PDSS2: variants seen among roughly 807,000 people sequenced by gnomAD.
The protein encoded by PDSS2 is decaprenyl diphosphate synthase subunit 2.
In PDSS2, 31 loss-of-function variants were observed where a neutral mutation model predicts 44.5. The observed-to-expected ratio is 0.70, with a 90% CI of 0.52 to 0.94. The LOEUF (loss-of-function observed/expected upper bound fraction) is 0.94, where lower values mean the gene tolerates loss of function less well. Among genes scored for constraint, PDSS2 ranks in the 40% least tolerant of loss-of-function variants. PDSS2 has a pLI of 0.00. For synonymous variants in PDSS2, 157 were observed against 180.3 expected (o/e 0.87, Z 1.03); for missense variants, 452 against 482.2 (o/e 0.94, Z 0.59).
At chr6:107,366,074 C>T (rs1778952259) in intron 1 of PDSS2, among the ~76,000 whole-genome samples, 1 of 152,084 alleles carries the variant, frequency 6.6e-6, no homozygotes, top group African/African-American at 2.4e-5. Context: ...GAATACTCCA[C>T]ACAATGAGTG....
At chr6:107,422,597 T>C (rs888312358) in intron 1 of PDSS2, among the ~76,000 whole-genome samples, 1 of 152,112 alleles carries the variant, frequency 6.6e-6, no homozygotes, top group African/African-American at 2.4e-5. Context: ...AACTGTATTA[T>C]GGAATATTCA....
intron 7 of PDSS2, among the ~76,000 whole-genome samples, chr6:107,159,823 C>A (rs1223958168): frequency 6.6e-6 from 1 of 152,116 alleles, no homozygotes; most frequent in Non-Finnish European, 1.5e-5. Context: ...ATGTAAATGT[C>A]TGCATGACTA....
At chr6:107,280,926 A>G (rs1255898877) in intron 2 of PDSS2, among the ~76,000 whole-genome samples, 2 of 152,160 alleles carry the variant, frequency 1.3e-5, no homozygotes, top group Non-Finnish European at 1.5e-5. Context: ...TGGAGTGGCA[A>G]TGGTCCTCAC....
At chr6:107,204,527 C>T (rs1472463303) in intron 6 of PDSS2, among the ~76,000 whole-genome samples, 1 of 152,170 alleles carries the variant, frequency 6.6e-6, no homozygotes, top group Admixed American at 6.5e-5. Flanking sequence ...TCACATTCCA[C>T]CCAAATTAAG....
chr6:107,233,944 A>AT (rs1774141059), intron 4 of PDSS2, among the ~76,000 whole-genome samples: 3 of 152,168 alleles, frequency 2.0e-5, no homozygotes, highest in African/African-American at 7.2e-5. Flanking sequence ...AGGCAAGAGG[A>AT]TTGCTTGAGG....
At chr6:107,302,482 G>A (rs1412126472) in intron 2 of PDSS2, among the ~76,000 whole-genome samples, 1 of 151,858 alleles carries the variant, frequency 6.6e-6, no homozygotes. Flanking sequence ...TGCCGAGGCT[G>A]GTTTCAAACT....
chr6:107,249,803 A>T (rs1774752341), intron 3 of PDSS2, among the ~76,000 whole-genome samples: 1 of 152,186 alleles, frequency 6.6e-6, no homozygotes, highest in South Asian at 2.1e-4. Flanking sequence ...GTGCATGTCT[A>T]GTTGCTATTC....
chr6:107,199,467 A>C (rs957573442), intron 6 of PDSS2, among the ~76,000 whole-genome samples: 3 of 152,072 alleles, frequency 2.0e-5, no homozygotes, highest in African/African-American at 7.2e-5. Flanking sequence ...TGCCTGGTTA[A>C]TTTTTAATTT....
chr6:107,211,244 T>A (rs1285422305), intron 5 of PDSS2, among the ~76,000 whole-genome samples: 1 of 151,614 alleles, frequency 6.6e-6, no homozygotes, highest in Non-Finnish European at 1.5e-5. Context: ...ACTATTTAAG[T>A]AACATCTGAA....
At chr6:107,392,326 C>T (rs1444139065) in intron 1 of PDSS2, among the ~76,000 whole-genome samples, 1 of 152,142 alleles carries the variant, frequency 6.6e-6, no homozygotes. Flanking sequence ...TTTGAGTTAA[C>T]CCATAGAAAA....
intron 4 of PDSS2, among the ~76,000 whole-genome samples, chr6:107,234,880 C>T (rs1248758405): frequency 6.6e-6 from 1 of 152,062 alleles, no homozygotes; most frequent in Admixed American, 6.6e-5. Flanking sequence ...TTATAAAAGT[C>T]ATTATAACAT....
intron 1 of PDSS2, among the ~76,000 whole-genome samples, chr6:107,452,505 T>C (rs554055563): frequency 6.6e-6 from 1 of 152,250 alleles, no homozygotes; most frequent in African/African-American, 2.4e-5. Flanking sequence ...GTTCTGGGAT[T>C]ACAGGCATGA....
chr6:107,386,967 C>A (rs1002710094), intron 1 of PDSS2, among the ~76,000 whole-genome samples: 2 of 152,186 alleles, frequency 1.3e-5, no homozygotes, highest in Non-Finnish European at 2.9e-5. Flanking sequence ...AAGAATGTTA[C>A]ATCTAAATTT....
chr6:107,178,999 T>C (rs1383248987), intron 7 of PDSS2, among the ~76,000 whole-genome samples: 2 of 152,252 alleles, frequency 1.3e-5, no homozygotes, highest in Non-Finnish European at 2.9e-5. Context: ...CAGAATTCGA[T>C]AGAACCATTT....
chr6:107,413,985 G>A (rs2114666438), intron 1 of PDSS2, among the ~76,000 whole-genome samples: 2 of 70,694 alleles, frequency 2.8e-5, no homozygotes, highest in East Asian at 5.5e-4. Context: ...GGCAGAAAAT[G>A]AATTCTACAA....
At chr6:107,233,451 T>G (rs909359354) in intron 4 of PDSS2, among the ~76,000 whole-genome samples, 2 of 152,180 alleles carry the variant, frequency 1.3e-5, no homozygotes, top group African/African-American at 4.8e-5. Flanking sequence ...AATATACACT[T>G]TACCAAAACT....
intron 1 of PDSS2, among the ~76,000 whole-genome samples, chr6:107,428,368 T>C (rs1252300369): frequency 6.6e-6 from 1 of 152,236 alleles, no homozygotes; most frequent in Non-Finnish European, 1.5e-5. Context: ...ACCATGATGT[T>C]CTATGCTTTG....
At chr6:107,162,825 G>C (rs1452380893) in intron 7 of PDSS2, among the ~76,000 whole-genome samples, 1 of 151,826 alleles carries the variant, frequency 6.6e-6, no homozygotes, top group African/African-American at 2.4e-5. Flanking sequence ...GGATGGTCTC[G>C]AACTCTTGAC....
chr6:107,158,798 G>A (rs1354938930), intron 7 of PDSS2, among the ~76,000 whole-genome samples: 2 of 151,338 alleles, frequency 1.3e-5, no homozygotes, highest in Non-Finnish European at 2.9e-5. Context: ...GTGCAACCTC[G>A]ACTCACTGAA....
Sources: gnomAD v4.1 joint callset for allele counts (sites outside exome capture counted in the v4.1 genomes callset) on GRCh38, gnomAD v4.1.1 for gene constraint, MANE v1.5 for transcripts, NCBI Gene and HGNC (gene_info 2026-07-23, HGNC 2026-07-21) for gene names.